TTC27: variants seen among roughly 807,000 people sequenced by gnomAD.
TTC27 encodes the protein tetratricopeptide repeat domain 27.
TTC27 carries 79 observed loss-of-function variants against 115.9 expected under a neutral mutation model. The observed-to-expected ratio is 0.68, with a 90% CI of 0.57 to 0.82. TTC27 has a LOEUF of 0.82. TTC27 is among the 40% of genes least tolerant of loss of function. The pLI, the probability that TTC27 is intolerant of heterozygous loss-of-function variation, is 0.00. For synonymous variants in TTC27, 401 were observed against 356.0 expected, an observed-to-expected ratio of 1.13 and a Z score of -1.42; for missense variants, 1,054 against 993.1, an observed-to-expected ratio of 1.06 and a Z score of -0.82.
chr2:32,759,078 T>G (rs1385999114), intron 13 of TTC27, among the ~76,000 whole-genome samples: 1 of 152,012 alleles, frequency 6.6e-6, no homozygotes, highest in East Asian at 1.9e-4. Flanking sequence ...TCCATAGGAG[T>G]GGACCTAATT....
intron 5 of TTC27, among the ~76,000 whole-genome samples, chr2:32,658,605 G>A (rs1043223154): frequency 4.6e-5 from 7 of 152,168 alleles, no homozygotes; most frequent in African/African-American, 1.7e-4. Flanking sequence ...CATTCATTAT[G>A]TATTCATTCT....
intron 9 of TTC27, among the ~76,000 whole-genome samples, chr2:32,687,153 T>A (rs1231887457): frequency 2.0e-5 from 3 of 152,158 alleles, no homozygotes; most frequent in Non-Finnish European, 2.9e-5. Flanking sequence ...CATTTCTTGG[T>A]ATTTTCTAAC....
intron 7 of TTC27, among the ~76,000 whole-genome samples, chr2:32,671,831 A>G (rs1251724926): frequency 2.6e-5 from 4 of 152,216 alleles, no homozygotes; most frequent in African/African-American, 7.2e-5. Flanking sequence ...TAGAGGCAGA[A>G]TAGAAAGATC....
chr2:32,781,137 A>G (rs1349094716), intron 14 of TTC27, among the ~76,000 whole-genome samples: 1 of 152,242 alleles, frequency 6.6e-6, no homozygotes, highest in Non-Finnish European at 1.5e-5. Context: ...TCAGCAAATT[A>G]TCTCAGAAGC....
At chr2:32,689,702 T>A (rs1265654155) in intron 9 of TTC27, among the ~76,000 whole-genome samples, 1 of 152,162 alleles carries the variant, frequency 6.6e-6, no homozygotes, top group Admixed American at 6.5e-5. Flanking sequence ...TGAAAAAATA[T>A]TTGTTGAATT....
At chr2:32,774,678 A>T (rs1209655178) in intron 13 of TTC27, among the ~76,000 whole-genome samples, 1 of 152,140 alleles carries the variant, frequency 6.6e-6, no homozygotes, top group Non-Finnish European at 1.5e-5. Flanking sequence ...CTGAACTGAG[A>T]TGCCAGTCAC....
chr2:32,630,371 T>G (rs1391306439), intron 1 of TTC27, 152 bp from the exon 2 acceptor site: 2 of 518,736 alleles, frequency 3.9e-6, no homozygotes, highest in Non-Finnish European at 6.6e-6. Flanking sequence ...GATGGAAATT[T>G]ACTGAGTGCC....
Position 32,669,834 on chromosome 2 carries a change from C to G in TTC27, c.940-2438C>G, listed in dbSNP as rs539548343. Among the ~76,000 whole-genome samples, 8 of 135,786 alleles carry G rather than the reference C, an allele frequency of 5.9e-5. No individual in the cohort carries two copies. In the South Asian group the frequency reaches 1.8e-3, roughly 31 times the overall value. The allele number at this position is 135,786 out of a possible 152,430, so 89.1% of individuals were successfully genotyped here. ...CCAGGAGGTGGAGGTTGCAGTGAGC[C>G]GAGATCATGCTACTGCACTCCAGCC... On this transcript the variant is annotated intron_variant, in intron 7 of 19. Transcript: ENST00000317907.
At chr2:32,644,215 G>C (rs1664761429) in intron 4 of TTC27, among the ~76,000 whole-genome samples, 1 of 150,472 alleles carries the variant, frequency 6.6e-6, no homozygotes, top group Non-Finnish European at 1.5e-5. Flanking sequence ...AGCCAGGCAT[G>C]GTGGTGCATG....
At chr2:32,691,893 T>C (rs762672402) in intron 9 of TTC27, among the ~76,000 whole-genome samples, 2 of 151,900 alleles carry the variant, frequency 1.3e-5, no homozygotes, top group Non-Finnish European at 2.9e-5. Context: ...ACAAATGTTA[T>C]TTGTAAGTGG....
chr2:32,684,169 A>T (rs553434114), intron 9 of TTC27, among the ~76,000 whole-genome samples: 3 of 152,004 alleles, frequency 2.0e-5, no homozygotes, highest in African/African-American at 7.3e-5. Flanking sequence ...GGGGGAAAAA[A>T]GTTTGTTTGG....
In TTC27 at chr2:32,699,925, C is replaced by T. The variant is rs146005514; in HGVS notation, c.1120-2882C>T. 8.0e-4 allele frequency among the ~76,000 whole-genome samples: 122 copies of T among 152,294 alleles called. 1 individual carries two copies. Among genetic ancestry groups the T allele is most frequent in the Non-Finnish European group, 1.5e-3 (101 of 68,018 alleles). On this transcript the variant is annotated intron_variant, in intron 9 of 19. Transcript: ENST00000317907. The stretch of plus-strand genomic sequence containing the variant: ...GTAGAAAACAGTGTGTCTTTGTTAT[C>T]TAAGGAAGATATTTCATCCCTTTGC...
At chr2:32,640,982 A>C (rs550019851) in intron 4 of TTC27, among the ~76,000 whole-genome samples, 6 of 152,162 alleles carry the variant, frequency 3.9e-5, no homozygotes, top group Admixed American at 1.3e-4. Context: ...ACTGTGTCTC[A>C]AAAACAAAAC....
In TTC27 at chr2:32,640,407, T is replaced by A; in HGVS notation, c.534T>A (p.Ile178=). 1 of 1,613,414 alleles carries A rather than the reference T, an allele frequency of 6.2e-7. No homozygotes were observed. The highest frequency in any genetic ancestry group is 1.1e-5 in the South Asian group (1 of 90,974). ...ATGTAAGACATAAACTGACAGCTAT[T>A]CAGGTAAGGAAAGGATCCATGAGAT... ...LVNVRHKLTA[I]QSLPWWTLRC... The change falls in exon 4 of 20, where the codon ATT becomes ATA. Residue 178 remains isoleucine (I), a synonymous_variant. Coordinates refer to ENST00000317907, the MANE Select transcript of TTC27 (RefSeq NM_017735.5).
At chr2:32,816,191 C>T (rs1471745070) in intron 18 of TTC27, among the ~76,000 whole-genome samples, 1 of 151,936 alleles carries the variant, frequency 6.6e-6, no homozygotes, top group East Asian at 1.9e-4. Flanking sequence ...GTGACATGCA[C>T]CTGTGGTCCC....
chr2:32,660,202 G>A (rs145825333), intron 5 of TTC27, among the ~76,000 whole-genome samples: 2,120 of 152,004 alleles, frequency 0.014, 23 homozygotes, highest in Middle Eastern at 0.027. Context: ...TTTAATGATC[G>A]CCATTCTAAC....
At chr2:32,774,423 C>T (rs184506584) in intron 13 of TTC27, among the ~76,000 whole-genome samples, 1 of 152,238 alleles carries the variant, frequency 6.6e-6, no homozygotes, top group East Asian at 1.9e-4. Context: ...GATCTGCCCA[C>T]CTCAGCCTCC....
At chr2:32,757,900 C>G (rs1669294973) in intron 12 of TTC27, among the ~76,000 whole-genome samples, 2 of 152,116 alleles carry the variant, frequency 1.3e-5, no homozygotes, top group African/African-American at 4.8e-5. Context: ...CAGGGTTTCA[C>G]CATATTGGCC....
intron 15 of TTC27, among the ~76,000 whole-genome samples, chr2:32,784,985 A>G (rs1670300192): frequency 6.6e-6 from 1 of 152,176 alleles, no homozygotes. Flanking sequence ...GTTCCCTTGT[A>G]TTTTTGCAAG....
Sources: allele counts gnomAD v4.1 joint callset (sites outside exome capture counted in the v4.1 genomes callset), GRCh38; gene constraint gnomAD v4.1.1; transcripts MANE v1.5; gene names NCBI Gene and HGNC (gene_info 2026-07-23, HGNC 2026-07-21).